DCDC2: variants seen among roughly 807,000 people sequenced by gnomAD.
DCDC2 encodes doublecortin domain-containing protein 2.
A neutral mutation model predicts 50.2 loss-of-function variants in DCDC2; 40 were observed. That is an observed-to-expected ratio of 0.80 (90% CI 0.62 to 1.04). The LOEUF (loss-of-function observed/expected upper bound fraction) is 1.04, where lower values mean the gene tolerates loss of function less well. DCDC2 is among the 50% of genes least tolerant of loss of function. The pLI is 0.00. For missense variants in DCDC2, 570 were observed against 581.9 expected (o/e 0.98, Z 0.21); for synonymous variants, 234 against 210.6 (o/e 1.11, Z -0.96).
At chr6:24,381,112 A>T in the DCDC2 span, among the ~76,000 whole-genome samples, 1 of 151,986 alleles carries the variant, frequency 6.6e-6, no homozygotes, top group East Asian at 1.9e-4. Context: ...TTAGAAAAAC[A>T]CGTTAAAAAA....
At chr6:24,354,972 C>T (rs1300919753) in intron 1 of DCDC2, among the ~76,000 whole-genome samples, 2 of 152,162 alleles carry the variant, frequency 1.3e-5, no homozygotes, top group Non-Finnish European at 2.9e-5. Flanking sequence ...TGAAAGCCCA[C>T]GAATTGTCCT....
rs189782318 is a variant in DCDC2, at chr6:24,252,636, T to C, written c.922+25413A>G. On this transcript the variant is annotated intron_variant, in intron 7 of 9. Transcript: ENST00000378454. ...AATGAGCAAGAAAGTAGAAAGAGAA[T>C]GGTGAGGGGAGGATGAGCCTAGAGC... Among the ~76,000 whole-genome samples the C allele has an allele frequency of 3.2e-3, 488 of 152,156 alleles. 4 individuals carry two copies. Among genetic ancestry groups the C allele is most frequent in the Admixed American group, 4.1e-3 (63 of 15,280 alleles).
chr6:24,226,949 G>A (rs781000808), intron 7 of DCDC2, among the ~76,000 whole-genome samples: 4 of 152,200 alleles, frequency 2.6e-5, no homozygotes, highest in Non-Finnish European at 5.9e-5. Flanking sequence ...AGGCAGCCAG[G>A]ATGTCAGAGT....
chr6:24,196,974 T>C (rs1046964651), intron 8 of DCDC2, among the ~76,000 whole-genome samples: 1 of 152,178 alleles, frequency 6.6e-6, no homozygotes, highest in South Asian at 2.1e-4. Flanking sequence ...CAGCAGACCA[T>C]AGAGAATGGC....
At chr6:24,191,273 G>A (rs1427048974) in intron 8 of DCDC2, among the ~76,000 whole-genome samples, 3 of 152,184 alleles carry the variant, frequency 2.0e-5, no homozygotes, top group Non-Finnish European at 1.5e-5. Context: ...GGAGCTGCAG[G>A]TAGCTGCTAA....
intron 4 of DCDC2, among the ~76,000 whole-genome samples, chr6:24,298,743 C>T (rs540024494): frequency 2.6e-5 from 4 of 152,222 alleles, no homozygotes; most frequent in Non-Finnish European, 4.4e-5. Flanking sequence ...AGTGAAAAGA[C>T]TAAATGTTAG....
chr6:24,257,983 G>A (rs1025195039), intron 7 of DCDC2, among the ~76,000 whole-genome samples: 11 of 152,136 alleles, frequency 7.2e-5, no homozygotes, highest in South Asian at 2.1e-4. Flanking sequence ...TGACTCTAAA[G>A]TTAACTGGAT....
chr6:24,319,126 G>C (rs1759726954), intron 2 of DCDC2, among the ~76,000 whole-genome samples: 2 of 151,878 alleles, frequency 1.3e-5, no homozygotes, highest in Non-Finnish European at 2.9e-5. Flanking sequence ...TAGCCACTCT[G>C]ACTGGTATAA....
intron 7 of DCDC2, among the ~76,000 whole-genome samples, chr6:24,222,571 T>A (rs1263088761): frequency 6.6e-6 from 1 of 152,228 alleles, no homozygotes; most frequent in African/African-American, 2.4e-5. Flanking sequence ...TAACATGCAC[T>A]AATACACAGT....
intron 2 of DCDC2, among the ~76,000 whole-genome samples, chr6:24,345,246 C>A (rs557474079): frequency 9.2e-5 from 14 of 152,208 alleles, no homozygotes; most frequent in African/African-American, 2.9e-4. Flanking sequence ...TATCTAGAAT[C>A]CATTTAATGT....
intron 7 of DCDC2, among the ~76,000 whole-genome samples, chr6:24,251,668 G>A (rs1279268058): frequency 6.6e-6 from 1 of 152,144 alleles, no homozygotes; most frequent in South Asian, 2.1e-4. Flanking sequence ...GCCTCCCTGT[G>A]TCTCTATTTC....
At chr6:24,245,679 T>G (rs1275610916) in intron 7 of DCDC2, among the ~76,000 whole-genome samples, 1 of 152,190 alleles carries the variant, frequency 6.6e-6, no homozygotes, top group Non-Finnish European at 1.5e-5. Flanking sequence ...GATTTACATA[T>G]GATGTGCAGA....
chr6:24,224,384 G>A (rs1040002755), intron 7 of DCDC2, among the ~76,000 whole-genome samples: 7 of 152,192 alleles, frequency 4.6e-5, no homozygotes, highest in Admixed American at 1.3e-4. Context: ...GTGTTCTCAT[G>A]GTCTAATAGA....
intron 2 of DCDC2, among the ~76,000 whole-genome samples, chr6:24,309,111 G>A (rs1759526645): frequency 6.6e-6 from 1 of 152,130 alleles, no homozygotes; most frequent in African/African-American, 2.4e-5. Flanking sequence ...TGGATCACAA[G>A]GTCAGGAGTT....
chr6:24,270,907 T>A (rs1347121053), intron 7 of DCDC2, among the ~76,000 whole-genome samples: 3 of 152,144 alleles, frequency 2.0e-5, no homozygotes, highest in Non-Finnish European at 4.4e-5. Flanking sequence ...ATGCATATTT[T>A]ATCTGTAGTA....
At chr6:24,325,436 T>C (rs1022902557) in intron 2 of DCDC2, among the ~76,000 whole-genome samples, 1 of 149,490 alleles carries the variant, frequency 6.7e-6, no homozygotes, top group Non-Finnish European at 1.5e-5. Context: ...CTGGCAAAGA[T>C]GAGTGGGGGT....
intron 2 of DCDC2, among the ~76,000 whole-genome samples, chr6:24,337,652 G>T (rs1203763207): frequency 3.3e-5 from 5 of 152,002 alleles, no homozygotes; most frequent in African/African-American, 1.2e-4. Context: ...AAAAAAATTA[G>T]CTGGGTGTGG....
At chr6:24,305,784 T>A (rs1307691466) in intron 2 of DCDC2, among the ~76,000 whole-genome samples, 2 of 145,678 alleles carry the variant, frequency 1.4e-5, no homozygotes. Flanking sequence ...CCCAGCACTT[T>A]GGGAGGCCAA....
chr6:24,359,469 T>C (rs1338148765), upstream of DCDC2, among the ~76,000 whole-genome samples: 4 of 16,592 alleles, frequency 2.4e-4, 1 homozygote, highest in Non-Finnish European at 4.7e-4. Context: ...ATATACTATA[T>C]AATATATATT....
Sources: allele counts gnomAD v4.1 joint callset (sites outside exome capture counted in the v4.1 genomes callset), GRCh38; gene constraint gnomAD v4.1.1; transcripts MANE v1.5; gene names NCBI Gene and HGNC (gene_info 2026-07-23, HGNC 2026-07-21).